The following POLQ variants were observed in gnomAD, a reference collection of about 807,000 sequenced individuals.
POLQ encodes the protein DNA polymerase theta.
Under a neutral mutation model 259.2 loss-of-function variants are expected in POLQ, and 233 were observed. The ratio of observed to expected loss-of-function variants is 0.90; its 90% CI spans 0.81 to 1.00. The LOEUF is 1.00. Among genes scored for constraint, POLQ ranks in the 50% least tolerant of loss-of-function variants. POLQ has a pLI of 0.00. For synonymous variants in POLQ, 1,025 were observed against 1,048.8 expected (o/e 0.98, Z 0.44); for missense variants, 2,871 against 3,051.6 (o/e 0.94, Z 1.39).
intron 26 of POLQ, among the ~76,000 whole-genome samples, chr3:121,440,533 G>A (rs138479044): frequency 7.0e-4 from 107 of 152,110 alleles, no homozygotes; most frequent in Non-Finnish European, 1.2e-3. Flanking sequence ...ATGAGGTTTC[G>A]TAATGTGGCC....
rs2047971722 is a variant in POLQ at position 121,481,653 on chromosome 3, A to G, written c.6130T>C (p.Tyr2044His). 6.2e-7 allele frequency: 1 copy of G among 1,613,988 alleles called. No homozygotes were observed. ...LNAGSEHSGR[Y>H]RASVESILIF... ...AGAATGGACTCCACAGATGCTCTGT[A>G]TCGCCCAGAATGCTCACTGCCAGCA... Residue 2044 changes from tyrosine to histidine, a missense_variant, in exon 19 of 30, where the codon TAC becomes CAC. By Grantham distance (83) the Tyr-to-His change is moderately conservative. Around this residue, in one of 3 missense-constraint regions of POLQ, gnomAD observed 2,080 missense variants for 2,126.0 expected, o/e 0.98. Coordinates refer to ENST00000264233, the MANE Select transcript of POLQ (RefSeq NM_199420.4).
rs752800805 is a variant in POLQ at position 121,519,958 on chromosome 3, T to A, written c.1381A>T (p.Thr461Ser). 91 of 1,610,220 alleles carry A rather than the reference T, an allele frequency of 5.7e-5. No individual in the cohort carries two copies. Among genetic ancestry groups the A allele is most frequent in the Non-Finnish European group, 7.4e-5 (87 of 1,177,690 alleles). ...AGAGGTCGACCACCAAAAATAGGGGTTCGAATAATCACACGACGTGCAGGT... is the reference window on the plus strand; with the variant it reads ...AGAGGTCGACCACCAAAAATAGGGGATCGAATAATCACACGACGTGCAGGT... ...NLPARRVIIR[T>S]PIFGGRPLDI... The change falls in exon 9 of 30, where the codon ACC becomes TCC. Residue 461 changes from threonine to serine, a missense_variant. By Grantham distance (58) the Thr-to-Ser change is moderately conservative. This residue lies in a region of POLQ where 783 missense variants were observed against 906.2 expected (regional missense o/e 0.86). Transcript: ENST00000264233.
intron 22 of POLQ, among the ~76,000 whole-genome samples, chr3:121,469,785 C>T (rs750334004): frequency 1.2e-4 from 19 of 152,072 alleles, no homozygotes; most frequent in Non-Finnish European, 2.4e-4. Context: ...GAAGTATATT[C>T]ATGAAATGGC....
intron 12 of POLQ, among the ~76,000 whole-genome samples, chr3:121,501,225 G>A (rs1475480949): frequency 6.6e-6 from 1 of 152,026 alleles, no homozygotes; most frequent in East Asian, 1.9e-4. Flanking sequence ...CTCCCAAAGT[G>A]CTGGGATTAC....
In POLQ at chr3:121,482,530, A is replaced by G. The variant is rs901120869; in HGVS notation, c.5971-718T>C. Among the ~76,000 whole-genome samples, 32 of 151,768 alleles carry G rather than the reference A, an allele frequency of 2.1e-4. 1 individual carries two copies. The highest frequency in any genetic ancestry group is 2.9e-5 in the Non-Finnish European group (2 of 67,940). ...AGCAAAACTTCGTCTCAAAAAAAAA[A>G]AAAAGTGACGCATAAATGTTTTACC... On this transcript the variant is annotated intron_variant, in intron 18 of 29. Coordinates refer to ENST00000264233, the MANE Select transcript of POLQ (RefSeq NM_199420.4).
chr3:121,467,268 C>T (rs1205689165), intron 24 of POLQ, among the ~76,000 whole-genome samples: 2 of 152,116 alleles, frequency 1.3e-5, no homozygotes, highest in East Asian at 1.9e-4. Context: ...TTTACAATGA[C>T]GTTAGAAAAC....
At chr3:121,532,679 GC>G (rs1473310161) in intron 6 of POLQ, among the ~76,000 whole-genome samples, 1 of 151,114 alleles carries the variant, frequency 6.6e-6, no homozygotes, top group Middle Eastern at 3.2e-3. Context: ...GATTACAGGC[GC>G]CCACCACCAC....
At chr3:121,524,504 T>C (rs771060907) in intron 7 of POLQ, among the ~76,000 whole-genome samples, 2 of 152,086 alleles carry the variant, frequency 1.3e-5, no homozygotes, top group African/African-American at 2.4e-5. Context: ...ACTATGATTA[T>C]AGCCATTAGT....
intron 16 of POLQ, among the ~76,000 whole-genome samples, chr3:121,486,870 G>GGAAA (rs558660849): frequency 2.8e-5 from 4 of 140,782 alleles, no homozygotes; most frequent in East Asian, 2.1e-4. Context: ...CAAAGAAAGA[G>GGAAA]GAAAGAAAGA....
At chr3:121,516,818 C>A (rs972076087) in intron 9 of POLQ, among the ~76,000 whole-genome samples, 6 of 152,190 alleles carry the variant, frequency 3.9e-5, no homozygotes, top group Admixed American at 3.9e-4. Context: ...ATATAAACCA[C>A]TATATTCCTA....
chr3:121,522,912 G>A lies in POLQ; in HGVS notation c.1109-763C>T, dbSNP rs764985014. Among the ~76,000 whole-genome samples the A allele has an allele frequency of 4.6e-5, 7 of 152,134 alleles. No homozygotes were observed. In the South Asian group the frequency reaches 6.2e-4, roughly 14 times the overall value. ...AGTATCAGAGGGTTTCACCAATCCC[G>A]TCACGAAAAAGCCTACTCCTCTGTG... On this transcript the variant is annotated intron_variant, in intron 7 of 29. Coordinates refer to ENST00000264233, the MANE Select transcript of POLQ (RefSeq NM_199420.4).
intron 22 of POLQ, among the ~76,000 whole-genome samples, chr3:121,468,974 T>TA (rs1560091815): frequency 6.6e-6 from 1 of 152,030 alleles, no homozygotes; most frequent in African/African-American, 2.4e-5. Flanking sequence ...AGCTGTTTTT[T>TA]AAAAAAATGC....
chr3:121,509,986 A>C (rs3732406), intron 11 of POLQ, 53 bp downstream of exon 11: 899,884 of 1,362,006 alleles, frequency 0.66, 300,210 homozygotes, highest in East Asian at 0.89. Context: ...CAGTCATACA[A>C]CCTCACTAAA....
chr3:121,507,731 AT>A (rs1310001556), intron 12 of POLQ, among the ~76,000 whole-genome samples: 5 of 152,224 alleles, frequency 3.3e-5, no homozygotes, highest in African/African-American at 1.2e-4. Flanking sequence ...TACTCAAAAA[AT>A]AAATAAATAA....
chr3:121,516,248 CAATTAT>C (rs1317972637), intron 9 of POLQ, among the ~76,000 whole-genome samples: 1 of 152,064 alleles, frequency 6.6e-6, no homozygotes, highest in African/African-American at 2.4e-5. Context: ...AAAATATATA[CAATTAT>C]AATTTGTCAA....
chr3:121,456,080 A>AATCCAGCATATAAATCAATAAAT (rs1681883507), intron 25 of POLQ, among the ~76,000 whole-genome samples: 2 of 152,226 alleles, frequency 1.3e-5, no homozygotes, highest in African/African-American at 4.8e-5. Context: ...GGTTCAATAT[A>AATCCAGCATATAAATCAATAAAT]CACAAATCAA....
chr3:121,511,970 C>G lies in POLQ; in HGVS notation c.1528G>C (p.Gly510Arg), dbSNP rs202095924. 4.3e-6 allele frequency: 7 copies of G among 1,613,460 alleles called. No homozygotes were observed. The highest frequency in any genetic ancestry group is 5.1e-6 in the Non-Finnish European group (6 of 1,179,436). The change falls in exon 10 of 30, where the codon GGT (glycine) becomes CGT (arginine). Residue 510 changes from glycine to arginine, a missense_variant. Coordinates refer to ENST00000264233, the MANE Select transcript of POLQ (RefSeq NM_199420.4). ...CAGCTGCGAACAGGCTTTAGAGAAC[C>G]CTGAAGGAGAGCTATGCCTTTTGAT... is the stretch of plus-strand genomic sequence containing the variant. ...EKSKGIALLQ[G>R]SLKPVRSCLQ...
At chr3:121,462,039 C>G (rs1471436090) in intron 24 of POLQ, among the ~76,000 whole-genome samples, 1 of 152,166 alleles carries the variant, frequency 6.6e-6, no homozygotes, top group Non-Finnish European at 1.5e-5. Context: ...TGAGCACCAA[C>G]GAGATGCTCA....
chr3:121,454,120 C>A (rs1023885783), intron 25 of POLQ, among the ~76,000 whole-genome samples: 1 of 152,180 alleles, frequency 6.6e-6, no homozygotes, highest in African/African-American at 2.4e-5. Context: ...AATTTCATAT[C>A]CAGCCAAACT....
Sources: gnomAD v4.1 joint callset for allele counts (sites outside exome capture counted in the v4.1 genomes callset) on GRCh38, gnomAD v4.1.1 for gene constraint, gnomAD v4.1.1 regional missense constraint, MANE v1.5 for transcripts, NCBI Gene and HGNC (gene_info 2026-07-23, HGNC 2026-07-21) for gene names.